ANKRD44: variants seen among roughly 807,000 people sequenced by gnomAD.
The protein encoded by ANKRD44 is ankyrin repeat domain 44.
A neutral mutation model predicts 116.0 loss-of-function variants in ANKRD44; 35 were observed. The observed-to-expected ratio is 0.30, with a 90% confidence interval of 0.23 to 0.40. The LOEUF is 0.40. ANKRD44 is among the 10% of genes least tolerant of loss of function. The probability of loss-of-function intolerance (pLI) is 1.00; values close to 1 mark genes in which losing one functional copy is unlikely to be tolerated. For synonymous variants in ANKRD44, 435 were observed against 461.8 expected (o/e 0.94, Z 0.74); for missense variants, 1,014 against 1,242.6 (o/e 0.82, Z 2.77).
At position 197,099,841 on chromosome 2, in the gene ANKRD44, T is replaced by C; in HGVS notation, c.1075A>G (p.Ile359Val). 1 of 1,614,176 alleles carries C rather than the reference T, an allele frequency of 6.2e-7. No individual in the cohort carries two copies. Among genetic ancestry groups the C allele is most frequent in the Non-Finnish European group, 8.5e-7 (1 of 1,180,016 alleles). The change falls in exon 10 of 28, where the codon ATA (isoleucine) becomes GTA (valine). Residue 359 changes from isoleucine (I) to valine (V), a missense_variant. By Grantham distance (29) the Ile-to-Val change is conservative (BLOSUM62 3). Transcript: ENST00000282272. Reference sequence around the variant, plus strand: ...TTGGCTGTGTCAGCTCCGCTGGTTATTAAGGTGTTAATCAAAAGCTCATGA... The same window carrying C: ...TTGGCTGTGTCAGCTCCGCTGGTTACTAAGGTGTTAATCAAAAGCTCATGA... ...YGHELLINTLITSGADTAKCG... is the reference protein window; with the variant it reads ...YGHELLINTLVTSGADTAKCG...
At chr2:197,215,002 C>T (rs1207041225) in intron 1 of ANKRD44, among the ~76,000 whole-genome samples, 2 of 152,094 alleles carry the variant, frequency 1.3e-5, no homozygotes, top group Non-Finnish European at 2.9e-5. Flanking sequence ...CTCAGCCTCC[C>T]GAGTAGCTGG....
intron 13 of ANKRD44, among the ~76,000 whole-genome samples, chr2:197,084,754 TA>T (rs147717960): frequency 1.3e-5 from 2 of 151,226 alleles, no homozygotes; most frequent in South Asian, 2.1e-4. Context: ...CCTCTTTAGT[TA>T]AAAAAAAAGA....
chr2:197,167,351 A>G (rs767027920), intron 2 of ANKRD44, among the ~76,000 whole-genome samples: 1 of 152,240 alleles, frequency 6.6e-6, no homozygotes, highest in Non-Finnish European at 1.5e-5. Flanking sequence ...TTTTTTAAAA[A>G]CAGATTGAAG....
At chr2:197,034,049 C>CCAGAGA (rs1491563139) in intron 16 of ANKRD44, among the ~76,000 whole-genome samples, 1 of 13,250 alleles carries the variant, frequency 7.5e-5, no homozygotes, top group African/African-American at 2.1e-4. Flanking sequence ...CATATGAGGG[C>CCAGAGA]TAGAGAGAGA....
chr2:197,284,679 A>G (rs960217747), intron 1 of ANKRD44, among the ~76,000 whole-genome samples: 7 of 152,110 alleles, frequency 4.6e-5, no homozygotes, highest in African/African-American at 1.7e-4. Context: ...TGAGGCCAGG[A>G]GTTCGAGACC....
chr2:197,197,129 T>G (rs1334146431), intron 1 of ANKRD44, among the ~76,000 whole-genome samples: 2 of 152,212 alleles, frequency 1.3e-5, no homozygotes, highest in East Asian at 3.8e-4. Context: ...TCACATGGAA[T>G]GAAAATCTAT....
At chr2:196,998,071 CA>C (rs35464957) in intron 25 of ANKRD44, among the ~76,000 whole-genome samples, 16,092 of 152,198 alleles carry the variant, frequency 0.11, 1,002 homozygotes, top group East Asian at 0.16. Context: ...TCAAGACAGA[CA>C]GACTACAGCA....
At chr2:197,291,795 G>A (rs1382676708) in intron 1 of ANKRD44, among the ~76,000 whole-genome samples, 1 of 152,056 alleles carries the variant, frequency 6.6e-6, no homozygotes, top group Non-Finnish European at 1.5e-5. Flanking sequence ...TTTACATTAG[G>A]TATTTCTCCA....
chr2:197,223,251 T>A (rs1171470937), intron 1 of ANKRD44, among the ~76,000 whole-genome samples: 3 of 152,192 alleles, frequency 2.0e-5, no homozygotes, highest in African/African-American at 7.2e-5. Flanking sequence ...CCTGGCCCCA[T>A]TACCTACCCT....
At chr2:197,173,546 T>G (rs1411260854) in intron 2 of ANKRD44, among the ~76,000 whole-genome samples, 1 of 152,174 alleles carries the variant, frequency 6.6e-6, no homozygotes, top group Non-Finnish European at 1.5e-5. Context: ...CTTGACACAT[T>G]TGTTCTCTAG....
chr2:197,095,434 T>C (rs2078139110), intron 10 of ANKRD44, among the ~76,000 whole-genome samples: 1 of 152,246 alleles, frequency 6.6e-6, no homozygotes, highest in Non-Finnish European at 1.5e-5. Context: ...GAAGGGGCTC[T>C]GTGCTGCATG....
At chr2:197,218,751 C>CTTTTTTTTTTTTTTTTTTTTTTTTTT (rs138330364) in intron 1 of ANKRD44, among the ~76,000 whole-genome samples, 2 of 52,346 alleles carry the variant, frequency 3.8e-5, no homozygotes, top group African/African-American at 6.9e-5. Context: ...GGTAAAGTCC[C>CTTTTTTTTTTTTTTTTTTTTTTTTTT]TTTTTTTTTT....
At chr2:197,080,879 T>A (rs536056978) in intron 15 of ANKRD44, among the ~76,000 whole-genome samples, 1 of 152,232 alleles carries the variant, frequency 6.6e-6, no homozygotes, top group East Asian at 1.9e-4. Flanking sequence ...ATCCACTGGA[T>A]TCCACAGGGG....
At chr2:197,198,519 T>C (rs1304198976) in intron 1 of ANKRD44, among the ~76,000 whole-genome samples, 1 of 152,012 alleles carries the variant, frequency 6.6e-6, no homozygotes, top group South Asian at 2.1e-4. Flanking sequence ...TGACCGGGCA[T>C]GGTGGCTCAC....
intron 16 of ANKRD44, among the ~76,000 whole-genome samples, chr2:197,035,190 T>C (rs893386461): frequency 9.2e-5 from 14 of 152,126 alleles, no homozygotes; most frequent in African/African-American, 1.4e-4. Flanking sequence ...AAAACAGTAA[T>C]CTTATCATCC....
downstream of ANKRD44, among the ~76,000 whole-genome samples, chr2:196,985,383 T>C (rs764427297): frequency 4.6e-5 from 7 of 152,162 alleles, no homozygotes; most frequent in East Asian, 1.9e-4. Context: ...ATAACTAATA[T>C]ACCCAGTCTA....
intron 9 of ANKRD44, among the ~76,000 whole-genome samples, chr2:197,108,413 C>T (rs1559068903): frequency 1.3e-5 from 2 of 152,166 alleles, no homozygotes; most frequent in Non-Finnish European, 2.9e-5. Flanking sequence ...CTTATCAATT[C>T]AGGCCCCTGG....
chr2:197,065,956 T>C (rs939917883), intron 16 of ANKRD44, among the ~76,000 whole-genome samples: 7 of 152,198 alleles, frequency 4.6e-5, no homozygotes, highest in African/African-American at 9.7e-5. Flanking sequence ...AGCATCATCC[T>C]GATACCAAAG....
intron 21 of ANKRD44, among the ~76,000 whole-genome samples, chr2:197,004,423 C>T (rs1021157852): frequency 1.1e-4 from 17 of 152,026 alleles, no homozygotes; most frequent in Admixed American, 2.0e-4. Flanking sequence ...ATCACCAAGA[C>T]AAGGTGCTCC....
Sources: allele counts gnomAD v4.1 joint callset (sites outside exome capture counted in the v4.1 genomes callset), GRCh38; gene constraint gnomAD v4.1.1; transcripts MANE v1.5; gene names NCBI Gene and HGNC (gene_info 2026-07-23, HGNC 2026-07-21).